ADGRL3: variants seen among roughly 807,000 people sequenced by gnomAD.
The protein encoded by ADGRL3 is adhesion G protein-coupled receptor L3, also known as calcium-independent alpha-latrotoxin receptor 3.
ADGRL3 carries 62 observed loss-of-function variants against 153.5 expected under a neutral mutation model. The ratio of observed to expected loss-of-function variants is 0.40; its 90% CI spans 0.33 to 0.50. The LOEUF is 0.50. ADGRL3 is among the 20% of genes least tolerant of loss of function. The pLI is 0.47. For missense variants in ADGRL3, 1,641 were observed against 1,859.4 expected (o/e 0.88, Z 2.16); for synonymous variants, 710 against 672.5 (o/e 1.06, Z -0.86).
intron 24 of ADGRL3, among the ~76,000 whole-genome samples, chr4:62,043,384 TC>T (rs1342724500): frequency 6.6e-6 from 1 of 152,034 alleles, no homozygotes; most frequent in East Asian, 1.9e-4. Flanking sequence ...CATTGTCCTT[TC>T]GTTTATTAGT....
intron 2 of ADGRL3, among the ~76,000 whole-genome samples, chr4:61,449,176 G>T (rs1423025918): frequency 6.6e-6 from 1 of 150,882 alleles, no homozygotes; most frequent in Non-Finnish European, 1.5e-5. Flanking sequence ...TCACTCTGTC[G>T]CCAGGCTGGA....
At chr4:61,744,417 G>A (rs2096625641) in intron 8 of ADGRL3, among the ~76,000 whole-genome samples, 1 of 152,130 alleles carries the variant, frequency 6.6e-6, no homozygotes, top group Admixed American at 6.5e-5. Context: ...CTCCTCAAGT[G>A]GGTCCCTGAC....
intron 5 of ADGRL3, among the ~76,000 whole-genome samples, chr4:61,591,659 A>T (rs549553775): frequency 6.6e-6 from 1 of 152,148 alleles, no homozygotes; most frequent in South Asian, 2.1e-4. Context: ...GTTTTCTATC[A>T]AGTATAGGTG....
intron 3 of ADGRL3, among the ~76,000 whole-genome samples, chr4:61,510,573 T>C (rs952496931): frequency 6.6e-6 from 1 of 152,194 alleles, no homozygotes; most frequent in Non-Finnish European, 1.5e-5. Flanking sequence ...TGGTTGTATG[T>C]GTGTGGCTTT....
Position 62,028,859 on chromosome 4 carries a change from G to A in ADGRL3, c.3400G>A (p.Glu1134Lys). The change falls in exon 22 of 27, where the codon GAG (glutamate) becomes AAG (lysine). Residue 1134 changes from glutamate to lysine, a missense_variant. By Grantham distance (56) the Glu-to-Lys change is moderately conservative. Around this residue, in one of 5 missense-constraint regions of ADGRL3, gnomAD observed 517 missense variants for 555.0 expected, o/e 0.93. Transcript: ENST00000683033. Reference sequence around the variant, plus strand: ...TTATGTCTATGCATTCTTTAGCTATGAGGATAACAGACCCTTCATCAAGTA... The same window carrying A: ...TTATGTCTATGCATTCTTTAGCTATAAGGATAACAGACCCTTCATCAAGTA... ...ESGCLDNINY[E>K]DNRPFIKSWV... The A allele has an allele frequency of 6.2e-7, 1 of 1,605,294 alleles. No homozygotes were observed. The highest frequency in any genetic ancestry group is 8.5e-7 in the Non-Finnish European group (1 of 1,175,116).
intron 8 of ADGRL3, among the ~76,000 whole-genome samples, chr4:61,751,591 G>A (rs2096757390): frequency 2.0e-5 from 3 of 152,142 alleles, no homozygotes; most frequent in African/African-American, 7.2e-5. Flanking sequence ...GTGGATTGCG[G>A]TATGTGTGTG....
chr4:61,578,670 T>G (rs2098906955), intron 4 of ADGRL3, among the ~76,000 whole-genome samples: 1 of 152,088 alleles, frequency 6.6e-6, no homozygotes, highest in South Asian at 2.1e-4. Context: ...CTCAGATTTT[T>G]TGCCTGAAGT....
chr4:62,027,626 T>A (rs913875205), intron 21 of ADGRL3, among the ~76,000 whole-genome samples: 1 of 152,100 alleles, frequency 6.6e-6, no homozygotes, highest in Admixed American at 6.6e-5. Flanking sequence ...ACTCAACATT[T>A]ATGTATTTGG....
intron 25 of ADGRL3, among the ~76,000 whole-genome samples, chr4:62,055,593 A>G (rs577507262): frequency 2.0e-5 from 3 of 151,990 alleles, no homozygotes; most frequent in Admixed American, 2.0e-4. Context: ...AAATTAAAAC[A>G]TTAAAATCTA....
chr4:61,249,629 T>A (rs562002011), intron 1 of ADGRL3, among the ~76,000 whole-genome samples: 6 of 152,134 alleles, frequency 3.9e-5, no homozygotes, highest in Non-Finnish European at 7.3e-5. Context: ...CACACAACGC[T>A]CATGTATCAT....
intron 2 of ADGRL3, among the ~76,000 whole-genome samples, chr4:61,431,794 C>A (rs1024499501): frequency 1.3e-4 from 20 of 152,166 alleles, no homozygotes. Context: ...TCATGTAACA[C>A]TTCAAAGATT....
At chr4:61,846,957 T>C (rs1168335382) in intron 9 of ADGRL3, among the ~76,000 whole-genome samples, 1 of 150,572 alleles carries the variant, frequency 6.6e-6, no homozygotes, top group Non-Finnish European at 1.5e-5. Context: ...TATGTGTGTG[T>C]GTGTGTGTGT....
intron 4 of ADGRL3, among the ~76,000 whole-genome samples, chr4:61,561,542 G>C (rs1031486200): frequency 6.6e-6 from 1 of 151,848 alleles, no homozygotes; most frequent in Non-Finnish European, 1.5e-5. Flanking sequence ...TGACAAAAAT[G>C]TCTTTAGGGT....
intron 2 of ADGRL3, among the ~76,000 whole-genome samples, chr4:61,394,793 G>T (rs2096851585): frequency 6.6e-6 from 1 of 152,068 alleles, no homozygotes; most frequent in East Asian, 1.9e-4. Context: ...TTAATTCCTG[G>T]GGAGTATATT....
chr4:61,483,458 C>A (rs1219713860), intron 2 of ADGRL3, among the ~76,000 whole-genome samples: 2 of 152,216 alleles, frequency 1.3e-5, no homozygotes, highest in Middle Eastern at 3.4e-3. Context: ...AAATTAAAGG[C>A]CTGGCGCAGT....
chr4:61,600,004 G>A (rs1450033499), intron 5 of ADGRL3, among the ~76,000 whole-genome samples: 1 of 152,136 alleles, frequency 6.6e-6, no homozygotes, highest in Non-Finnish European at 1.5e-5. Context: ...TAAACTGAAA[G>A]TTTTCTAATT....
intron 9 of ADGRL3, among the ~76,000 whole-genome samples, chr4:61,850,549 C>A (rs531854305): frequency 6.6e-6 from 1 of 152,148 alleles, no homozygotes; most frequent in African/African-American, 2.4e-5. Flanking sequence ...TGTCTAATTT[C>A]TGTAGGCCAA....
intron 4 of ADGRL3, among the ~76,000 whole-genome samples, chr4:61,529,666 T>C (rs137932172): frequency 0.014 from 2,079 of 152,238 alleles, 21 homozygotes; most frequent in East Asian, 0.022. Context: ...TATATAAAGC[T>C]TTTTACTTCT....
chr4:61,274,604 T>C (rs985678987), intron 1 of ADGRL3, among the ~76,000 whole-genome samples: 1 of 152,156 alleles, frequency 6.6e-6, no homozygotes, highest in Non-Finnish European at 1.5e-5. Context: ...AAGTTCTGTG[T>C]TTGTTTTTTT....
Sources: gnomAD v4.1 joint callset for allele counts (sites outside exome capture counted in the v4.1 genomes callset) on GRCh38, gnomAD v4.1.1 for gene constraint, gnomAD v4.1.1 regional missense constraint, MANE v1.5 for transcripts, NCBI Gene and HGNC (gene_info 2026-07-23, HGNC 2026-07-21) for gene names.